The following EIF4G3 variants were observed in gnomAD, a reference collection of about 807,000 sequenced individuals.
The protein encoded by EIF4G3 is eIF-4-gamma 3.
Under a neutral mutation model 186.4 loss-of-function variants are expected in EIF4G3, and 34 were observed. The ratio of observed to expected loss-of-function variants is 0.18; its 90% CI spans 0.14 to 0.24. The LOEUF (loss-of-function observed/expected upper bound fraction) is 0.24, where lower values mean the gene tolerates loss of function less well. Among genes scored for constraint, EIF4G3 ranks in the 10% least tolerant of loss-of-function variants. EIF4G3 has a pLI of 1.00. For missense variants in EIF4G3, 1,536 were observed against 1,948.5 expected, an observed-to-expected ratio of 0.79 and a Z score of 3.99; for synonymous variants, 673 against 679.5, an observed-to-expected ratio of 0.99 and a Z score of 0.15.
intron 7 of EIF4G3, among the ~76,000 whole-genome samples, chr1:20,996,667 T>C (rs1360694969): frequency 6.6e-6 from 1 of 152,234 alleles, no homozygotes; most frequent in Non-Finnish European, 1.5e-5. Flanking sequence ...AACAATCATA[T>C]TAAAGACAGT....
At chr1:21,023,835 T>C in intron 4 of EIF4G3, among the ~76,000 whole-genome samples, 2 of 120,772 alleles carry the variant, frequency 1.7e-5, no homozygotes, top group Non-Finnish European at 3.5e-5. Flanking sequence ...CCGGCCGCCA[T>C]CACATCTACG....
At chr1:20,981,794 TAC>T (rs1480478059) in intron 8 of EIF4G3, among the ~76,000 whole-genome samples, 4 of 152,038 alleles carry the variant, frequency 2.6e-5, no homozygotes, top group South Asian at 4.1e-4. Flanking sequence ...CATATATGTA[TAC>T]ACACATACTG....
rs2077700707 is a variant in EIF4G3 at position 20,980,404 on chromosome 1, A to G, written c.423T>C (p.Tyr141=). 5 of 1,545,012 alleles carry G rather than the reference A, an allele frequency of 3.2e-6. No individual in the cohort carries two copies. The highest frequency in any genetic ancestry group is 4.3e-6 in the Non-Finnish European group (5 of 1,157,118). The change falls in exon 10 of 37, where the codon TAT becomes TAC. Residue 141 remains tyrosine (Y), a synonymous_variant. Transcript: ENST00000602326. ...GPPYVGPPQQ[Y]PVQPPGPGPF... is the part of the protein sequence containing the mutation. ...GACCTGGCCCCGGTGGTTGAACTGG[A>G]TATTGTTGGGGGGGCCCAACATAAG...
At chr1:21,133,589 GGA>G (rs1272251348) in intron 2 of EIF4G3, among the ~76,000 whole-genome samples, 2 of 152,130 alleles carry the variant, frequency 1.3e-5, no homozygotes. Context: ...GCTCCCTATA[GGA>G]GAGTGAAGAT....
At chr1:20,892,866 G>C (rs997459111) in intron 18 of EIF4G3, 9 of 616,806 alleles carry the variant, frequency 1.5e-5, no homozygotes, top group Non-Finnish European at 2.5e-5. Context: ...CAGAGACAGG[G>C]TCTTGCTTTG....
At chr1:21,022,040 A>G (rs1465703414) in intron 4 of EIF4G3, among the ~76,000 whole-genome samples, 1 of 152,206 alleles carries the variant, frequency 6.6e-6, no homozygotes, top group Non-Finnish European at 1.5e-5. Context: ...AGGTTCCTAT[A>G]TGAAAATTTT....
At chr1:20,983,382 G>A (rs2078719639) in intron 7 of EIF4G3, among the ~76,000 whole-genome samples, 1 of 152,174 alleles carries the variant, frequency 6.6e-6, no homozygotes, top group Non-Finnish European at 1.5e-5. Context: ...CCATCTTCTA[G>A]TTATCTCCAC....
intron 19 of EIF4G3, among the ~76,000 whole-genome samples, chr1:20,885,904 T>A (rs1021611366): frequency 6.6e-6 from 1 of 152,142 alleles, no homozygotes; most frequent in Non-Finnish European, 1.5e-5. Context: ...TCACTGAGAA[T>A]CTAAAAATGT....
intron 2 of EIF4G3, among the ~76,000 whole-genome samples, chr1:21,109,124 A>C (rs1002246607): frequency 5.3e-5 from 8 of 152,124 alleles, no homozygotes; most frequent in African/African-American, 1.9e-4. Flanking sequence ...AGGCTGACGC[A>C]CAACAATTGC....
intron 3 of EIF4G3, among the ~76,000 whole-genome samples, chr1:21,073,232 A>G (rs2095493834): frequency 6.6e-6 from 1 of 152,242 alleles, no homozygotes; most frequent in African/African-American, 2.4e-5. Context: ...TACATCAGAT[A>G]AAACCCAAAT....
chr1:21,146,795 T>C (rs1258355812), intron 2 of EIF4G3, among the ~76,000 whole-genome samples: 1 of 152,004 alleles, frequency 6.6e-6, no homozygotes, highest in African/African-American at 2.4e-5. Context: ...TATTATATGG[T>C]GACAATAGCA....
chr1:20,879,580 T>G (rs1337810439), intron 19 of EIF4G3, 60 bp from the exon 20 acceptor site: 3 of 1,045,354 alleles, frequency 2.9e-6, no homozygotes, highest in East Asian at 5.7e-5. Flanking sequence ...TGGTGCTTTC[T>G]GTAATGATTA....
intron 7 of EIF4G3, among the ~76,000 whole-genome samples, chr1:20,986,456 A>G (rs933310552): frequency 6.6e-6 from 1 of 152,212 alleles, no homozygotes; most frequent in Non-Finnish European, 1.5e-5. Flanking sequence ...GTTTGTAACT[A>G]TGAAAATTTA....
intron 3 of EIF4G3, among the ~76,000 whole-genome samples, chr1:21,077,914 C>A (rs1450732923): frequency 6.6e-6 from 1 of 150,888 alleles, no homozygotes. Context: ...AAAGACACTG[C>A]CGAGAAAGCA....
intron 24 of EIF4G3, among the ~76,000 whole-genome samples, chr1:20,859,244 G>C (rs186291545): frequency 6.6e-6 from 1 of 152,050 alleles, no homozygotes. Context: ...CATGAATTAG[G>C]CTTTGGTATC....
chr1:20,981,333 T>C (rs1408574733), intron 8 of EIF4G3, 106 bp from the exon 9 acceptor site: 1 of 803,086 alleles, frequency 1.2e-6, no homozygotes. Flanking sequence ...TCAACTTGAA[T>C]TACAAATACA....
intron 3 of EIF4G3, among the ~76,000 whole-genome samples, chr1:21,068,756 C>T (rs1472899366): frequency 6.6e-6 from 1 of 152,172 alleles, no homozygotes; most frequent in Non-Finnish European, 1.5e-5. Flanking sequence ...GTAACTGTTA[C>T]ACAGTAAGTG....
At chr1:20,948,055 C>T (rs2096047161) in intron 13 of EIF4G3, among the ~76,000 whole-genome samples, 1 of 152,172 alleles carries the variant, frequency 6.6e-6, no homozygotes, top group South Asian at 2.1e-4. Flanking sequence ...AATCCTGGCA[C>T]AGCTACAGAG....
intron 2 of EIF4G3, among the ~76,000 whole-genome samples, chr1:21,164,644 G>A (rs2097825134): frequency 6.6e-6 from 1 of 152,102 alleles, no homozygotes; most frequent in Non-Finnish European, 1.5e-5. Flanking sequence ...CAGATCACTT[G>A]AGCCCAGGAG....
Sources: allele counts gnomAD v4.1 joint callset (sites outside exome capture counted in the v4.1 genomes callset), GRCh38; gene constraint gnomAD v4.1.1; transcripts MANE v1.5; gene names NCBI Gene and HGNC (gene_info 2026-07-23, HGNC 2026-07-21).